Variants in NEK10 observed in about 807,000 individuals in gnomAD.
The protein encoded by NEK10 is NIMA related kinase 10.
In NEK10, 122 loss-of-function variants were observed where a neutral mutation model predicts 159.8. That is an observed-to-expected ratio of 0.76 (90% confidence interval 0.66 to 0.89). The LOEUF (loss-of-function observed/expected upper bound fraction) is 0.89. Ranked by LOEUF, NEK10 falls within the 40% of genes least tolerant of loss-of-function variation. The pLI, the probability that NEK10 is intolerant of heterozygous loss-of-function variation, is 0.00. For missense variants in NEK10, 1,342 were observed against 1,323.1 expected, an observed-to-expected ratio of 1.01 and a Z score of -0.22; for synonymous variants, 466 against 457.1, an observed-to-expected ratio of 1.02 and a Z score of -0.25.
chr3:27,305,386 T>A (rs957715567), intron 11 of NEK10, among the ~76,000 whole-genome samples: 11 of 151,884 alleles, frequency 7.2e-5, no homozygotes, highest in African/African-American at 2.7e-4. Flanking sequence ...TGGCAGGGCG[T>A]GGTGGTGTGT....
At position 27,284,651 on chromosome 3, in the gene NEK10, A is replaced by C. The variant is rs771755346; in HGVS notation, c.1965T>G (p.Asp655Glu). The C allele has an allele frequency of 1.9e-6, 3 of 1,609,880 alleles. No homozygotes were observed. The highest frequency in any genetic ancestry group is 1.7e-6 in the Non-Finnish European group (2 of 1,176,362). Residue 655 changes from aspartate to glutamate, a missense_variant, in exon 22 of 36, where the codon GAT becomes GAG. Asp to Glu is a conservative substitution (Grantham distance 45). Coordinates refer to ENST00000691995, the MANE Select transcript of NEK10 (RefSeq NM_001394966.1). Reference sequence around the variant, plus strand: ...CCAACATAATGTTGTTTGGTGTCAGATCTCTATGGACAATCCTCTTCTCCT... The same window carrying C: ...CCAACATAATGTTGTTTGGTGTCAGCTCTCTATGGACAATCCTCTTCTCCT... ...LHKEKRIVHR[D>E]LTPNNIMLGD...
In NEK10 at chr3:27,115,927, C is replaced by T; in HGVS notation, c.3299+13G>A. ...TTCATCTTTCACAATTGAAGGCAAA[C>T]TCTAGCTCTTACCTGTTAGATGTAA... On this transcript the variant is annotated intron_variant, in intron 35 of 35. Coordinates refer to ENST00000691995, the MANE Select transcript of NEK10 (RefSeq NM_001394966.1). 4 of 1,599,412 alleles carry T rather than the reference C, an allele frequency of 2.5e-6. No homozygotes were observed. The South Asian group carries it at 3.3e-5, about 13-fold the overall frequency.
intron 22 of NEK10, among the ~76,000 whole-genome samples, chr3:27,277,715 A>T (rs2041870742): frequency 6.6e-6 from 1 of 152,168 alleles, no homozygotes; most frequent in South Asian, 2.1e-4. Context: ...GTGCTTATAT[A>T]GCTGTGATAG....
intron 32 of NEK10, among the ~76,000 whole-genome samples, chr3:27,126,865 G>A (rs1470034109): frequency 6.6e-6 from 1 of 151,954 alleles, no homozygotes; most frequent in Non-Finnish European, 1.5e-5. Context: ...TCCGGAGGAC[G>A]CAACCCCAGT....
intron 24 of NEK10, among the ~76,000 whole-genome samples, chr3:27,202,082 C>T (rs1282061363): frequency 2.6e-5 from 4 of 152,022 alleles, no homozygotes; most frequent in East Asian, 1.9e-4. Context: ...GCCCAGGAGG[C>T]GGAGGTTGCA....
chr3:27,257,766 T>C (rs1020593723), intron 22 of NEK10, among the ~76,000 whole-genome samples: 3 of 150,560 alleles, frequency 2.0e-5, no homozygotes, highest in African/African-American at 7.3e-5. Flanking sequence ...TTTTATCTTG[T>C]TTTCCAATAG....
intron 26 of NEK10, among the ~76,000 whole-genome samples, chr3:27,191,686 T>C (rs1422216544): frequency 2.0e-5 from 3 of 152,328 alleles, no homozygotes; most frequent in Admixed American, 6.5e-5. Context: ...CACATATTCA[T>C]ACATATTCCC....
rs776221493 is a variant in NEK10, at chr3:27,198,167, TAGAA to T, written c.2291+3339_2291+3342del. 2.8e-4 allele frequency among the ~76,000 whole-genome samples: 43 copies of T among 152,140 alleles called. No individual in the cohort carries two copies. The Middle Eastern group carries it at 0.014, about 48-fold the overall frequency. On this transcript the variant is annotated intron_variant, in intron 25 of 35. Transcript: ENST00000691995. ...TGGAAAAATACCCCATGCTCACAGA[TAGAA>T]AGAATCAATACCATTAAAATGACAA...
chr3:27,255,155 C>T (rs1402689341), intron 23 of NEK10: 3 of 185,628 alleles, frequency 1.6e-5, no homozygotes, highest in East Asian at 3.0e-4. Context: ...AAACAGTACA[C>T]AGTGAAACAA....
rs369638958 is a variant in NEK10, at chr3:27,109,378, T to TAAAAAA, written c.*1888_*1893dup. 1.7e-5 allele frequency among the ~76,000 whole-genome samples: 2 copies of TAAAAAA among 117,264 alleles called. No individual in the cohort carries two copies. The highest frequency in any genetic ancestry group is 3.5e-5 in the Non-Finnish European group (2 of 57,464). 76.9% of individuals were successfully genotyped at this position (117,264 alleles called of 152,430 possible). ...TGGGCAACAGAGTGAGACTCTGTCT[T>TAAAAAA]AAAAAAAAAAAAAAAAAAAAAGAGT... On this transcript the variant is annotated 3_prime_UTR_variant, in exon 36 of 36. Transcript: ENST00000691995.
At chr3:27,315,689 T>C (rs1245125889) in intron 6 of NEK10, among the ~76,000 whole-genome samples, 1 of 152,222 alleles carries the variant, frequency 6.6e-6, no homozygotes, top group African/African-American at 2.4e-5. Context: ...CATATGTAGA[T>C]GGCAGGAGTG....
chr3:27,141,601 G>A lies in NEK10; in HGVS notation c.2870-19C>T. 6.3e-7 allele frequency: 1 copy of A among 1,585,000 alleles called. No homozygotes were observed. Among genetic ancestry groups the A allele is most frequent in the Non-Finnish European group, 8.6e-7 (1 of 1,159,466 alleles). On this transcript the variant is annotated intron_variant, in intron 30 of 35. Transcript: ENST00000691995. ...GCTGATGCTGTGGGTGATAAATTTTGTAGTTAGTCAAGTTCTCTTTCAAAA... is the reference window on the plus strand; with the variant it reads ...GCTGATGCTGTGGGTGATAAATTTTATAGTTAGTCAAGTTCTCTTTCAAAA...
At position 27,284,666 on chromosome 3, in the gene NEK10, C is replaced by T. The variant is rs1475671058; in HGVS notation, c.1950G>A (p.Arg650=). The T allele has an allele frequency of 1.2e-6, 2 of 1,610,404 alleles. No homozygotes were observed. The highest frequency in any genetic ancestry group is 2.2e-5 in the South Asian group (2 of 90,992). Reference sequence around the variant, plus strand: ...TTGGTGTCAGATCTCTATGGACAATCCTCTTCTCCTTGTGTAAGTATCGAA... The same window carrying T: ...TTGGTGTCAGATCTCTATGGACAATTCTCTTCTCCTTGTGTAAGTATCGAA... ...LALRYLHKEK[R]IVHRDLTPNN... is the part of the protein sequence containing the mutation. Residue 650 remains arginine, a synonymous_variant, in exon 22 of 36, where the codon AGG becomes AGA. Transcript: ENST00000691995.
intron 13 of NEK10, among the ~76,000 whole-genome samples, chr3:27,298,710 A>G (rs971931147): frequency 1.3e-5 from 2 of 152,192 alleles, no homozygotes; most frequent in African/African-American, 4.8e-5. Context: ...TGATATGGAC[A>G]ATGAAATCCA....
chr3:27,136,213 C>G (rs533494794), intron 31 of NEK10, among the ~76,000 whole-genome samples: 2 of 149,812 alleles, frequency 1.3e-5, no homozygotes, highest in African/African-American at 2.5e-5. Context: ...CCCAGGTTCA[C>G]GCCACTATCC....
intron 23 of NEK10, among the ~76,000 whole-genome samples, chr3:27,241,814 G>C (rs1481319167): frequency 6.6e-6 from 1 of 152,208 alleles, no homozygotes; most frequent in South Asian, 2.1e-4. Flanking sequence ...GCTCCTGTAA[G>C]TGCAGGAAGA....
At chr3:27,167,780 TA>T (rs1307546272) in intron 29 of NEK10, among the ~76,000 whole-genome samples, 3 of 152,180 alleles carry the variant, frequency 2.0e-5, no homozygotes, top group Non-Finnish European at 2.9e-5. Flanking sequence ...CTATATTCCT[TA>T]AAAAAAGTTT....
intron 25 of NEK10, among the ~76,000 whole-genome samples, chr3:27,196,228 C>G (rs1284664422): frequency 6.6e-6 from 1 of 152,132 alleles, no homozygotes; most frequent in Admixed American, 6.6e-5. Context: ...GTGGATGCAG[C>G]CCCCAGTCAA....
chr3:27,111,994 CA>C lies in NEK10; in HGVS notation c.3300-675del, dbSNP rs201427282. ...TTTTGACCTTCTTTAACTTTCTTTACACAGCTTTCTTCCTTCCAACTCAGTC... is the reference window on the plus strand; with the variant it reads ...TTTTGACCTTCTTTAACTTTCTTTACCAGCTTTCTTCCTTCCAACTCAGTC... On this transcript the variant is annotated intron_variant, in intron 35 of 35. Transcript: ENST00000691995. Among the ~76,000 whole-genome samples the C allele has an allele frequency of 4.5e-3, 684 of 152,270 alleles. 2 individuals are homozygous for C. The highest frequency in any genetic ancestry group is 0.014 in the African/African-American group (600 of 41,556).
Sources: gnomAD v4.1 joint callset for allele counts (sites outside exome capture counted in the v4.1 genomes callset) on GRCh38, gnomAD v4.1.1 for gene constraint, MANE v1.5 for transcripts, NCBI Gene and HGNC (gene_info 2026-07-23, HGNC 2026-07-21) for gene names.